Variants in HAL observed in about 807,000 individuals in gnomAD.
HAL encodes the protein histidine ammonia-lyase, also known as histidase.
A neutral mutation model predicts 81.1 loss-of-function variants in HAL; 85 were observed. The ratio of observed to expected loss-of-function variants is 1.05; its 90% CI spans 0.88 to 1.25. The LOEUF (loss-of-function observed/expected upper bound fraction) is 1.25. HAL is among the 50% of genes most tolerant of loss of function. The pLI is 0.00. For synonymous variants in HAL, 301 were observed against 309.2 expected (o/e 0.97, Z 0.28); for missense variants, 798 against 836.6 (o/e 0.95, Z 0.57).
intron 9 of HAL, among the ~76,000 whole-genome samples, chr12:95,991,299 ATAGT>A (rs1949967546): frequency 1.3e-5 from 2 of 152,158 alleles, no homozygotes; most frequent in Admixed American, 6.5e-5. Flanking sequence ...TATAGGAAAA[ATAGT>A]TAGAAATTAT....
In HAL at chr12:95,986,281, C is replaced by A. The variant is rs74994710; in HGVS notation, c.1052-121G>T. 8.2e-5 allele frequency: 57 copies of A among 697,492 alleles called. No individual in the cohort carries two copies. In the African/African-American group the frequency reaches 8.8e-4, roughly 11 times the overall value. 43.2% of individuals were successfully genotyped at this position (697,492 alleles called of 1,614,324 possible). On this transcript the variant is annotated intron_variant, in intron 12 of 20. Transcript: ENST00000261208. Reference sequence around the variant, plus strand: ...CTCCTGGGCTCTAGCGATCCTCCTACCTTGGCCTCCCAAAGTGCTGGGATT... The same window carrying A: ...CTCCTGGGCTCTAGCGATCCTCCTAACTTGGCCTCCCAAAGTGCTGGGATT...
In HAL at chr12:95,994,199, C is replaced by G. The variant is rs552127083; in HGVS notation, c.337-35G>C. 1.3e-5 allele frequency: 19 copies of G among 1,447,798 alleles called. No homozygotes were observed. The South Asian group carries it at 2.1e-4, about 16-fold the overall frequency. 89.7% of individuals were successfully genotyped at this position (1,447,798 alleles called of 1,614,324 possible). A position where few individuals can be genotyped will look rare whatever the true frequency, so the allele number is the denominator to read the frequency against. On this transcript the variant is annotated intron_variant, in intron 4 of 20. Coordinates refer to ENST00000261208, the MANE Select transcript of HAL (RefSeq NM_002108.4). ...AGAAGGGGATCTCAGTGAGTCTGAA[C>G]AGCTTGATTATTCTAACCAGAGTAG...
In HAL at chr12:95,990,486, A is replaced by T. The variant is rs758366056; in HGVS notation, c.762T>A (p.Ser254Arg). The T allele has an allele frequency of 6.2e-7, 1 of 1,612,682 alleles. No homozygotes were observed. Residue 254 changes from serine (S) to arginine (R), a missense_variant, in exon 10 of 21, where the codon AGT becomes AGA. Physicochemically the swap from Ser to Arg is moderately radical, Grantham distance 110. Transcript: ENST00000261208. ...GATGAGAGAGTGGGGCAAGGTCTCC[A>T]CTGGCACCAACGGTTCCTTTCTCTG... ...YVPEKGTVGA[S>R]GDLAPLSHLA...
intron 10 of HAL, 138 bp from the exon 11 acceptor site, chr12:95,988,378 T>C (rs1949922620): frequency 1.4e-6 from 1 of 689,674 alleles, no homozygotes; most frequent in Non-Finnish European, 2.6e-6. Context: ...GAACTGGCTG[T>C]ATTCATGTTC....
chr12:95,993,879 TTTTG>T (rs1272873275), intron 6 of HAL, 41 bp from the exon 7 acceptor site: 9 of 1,471,286 alleles, frequency 6.1e-6, no homozygotes, highest in East Asian at 4.6e-5. Flanking sequence ...ATGCAGGGAT[TTTTG>T]TTTGTTTATA....
rs200780494 is a variant in HAL at position 95,974,255 on chromosome 12, T to C, written c.1951A>G (p.Ile651Val). 86 of 1,613,986 alleles carry C rather than the reference T, an allele frequency of 5.3e-5. No individual in the cohort carries two copies. Among genetic ancestry groups the C allele is most frequent in the South Asian group, 4.0e-4 (36 of 91,074 alleles). The change falls in exon 21 of 21, where the codon ATC becomes GTC. Residue 651 changes from isoleucine (I) to valine (V), a missense_variant. Transcript: ENST00000261208. ...LQFLHKKSTK[I>V]PESEDL ...CATTAAAGGTCCTCAGACTCCGGGA[T>C]TTTGGTGGATTTCTTGTGCAGAAAT...
intron 4 of HAL, 23 bp from the exon 5 acceptor site, chr12:95,994,187 A>C: frequency 1.3e-6 from 2 of 1,541,510 alleles, no homozygotes; most frequent in Non-Finnish European, 1.8e-6. Context: ...AGGGGATCTC[A>C]GTGAGTCTGA....
At chr12:95,979,984 T>C (rs1047998418) in intron 17 of HAL, among the ~76,000 whole-genome samples, 2 of 152,258 alleles carry the variant, frequency 1.3e-5, no homozygotes, top group African/African-American at 4.8e-5. Flanking sequence ...GGCACTGTTC[T>C]GATGTGTTAA....
At chr12:95,980,407 TGTTA>T in intron 17 of HAL, 145 bp downstream of exon 17, 1 of 747,188 alleles carries the variant, frequency 1.3e-6, no homozygotes, top group Non-Finnish European at 2.3e-6. Context: ...AGAGTTAACC[TGTTA>T]CCTTTGCACT....
rs760196936 is a variant in HAL at position 95,995,805 on chromosome 12, T to C, written c.106A>G (p.Ile36Val). Residue 36 changes from isoleucine (I) to valine (V), a missense_variant, in exon 2 of 21, where the codon ATC (isoleucine) becomes GTC (valine). Physicochemically the swap from Ile to Val is conservative, Grantham distance 29. Transcript: ENST00000261208. ...WLGREAVRRY[I>V]KNKPDNGGFT... ...CCACCATTGTCGGGCTTATTCTTGA[T>C]ATAGCGCCTCACGGCCTCCCGGCCC... 1.2e-6 allele frequency: 2 copies of C among 1,613,136 alleles called. No homozygotes were observed. Among genetic ancestry groups the C allele is most frequent in the South Asian group, 1.1e-5 (1 of 91,090 alleles).
rs140648450 is a variant in HAL at position 95,990,612 on chromosome 12, G to A, written c.716-80C>T. On this transcript the variant is annotated intron_variant, in intron 9 of 20. Transcript: ENST00000261208. The stretch of plus-strand genomic sequence containing the variant: ...TGCTTTGCCAGTGAGTGCCCCCACT[G>A]CCCCCGCAAACACCCTGCCTCCAAT... The A allele has an allele frequency of 1.1e-3, 1,310 of 1,163,576 alleles. 9 individuals are homozygous for A. The highest frequency in any genetic ancestry group is 1.3e-3 in the East Asian group (54 of 42,754). The allele number at this position is 1,163,576 out of a possible 1,614,324, so 72.1% of individuals were successfully genotyped here.
intron 18 of HAL, 113 bp downstream of exon 18, chr12:95,977,831 T>G (rs2080740640): frequency 2.6e-6 from 3 of 1,147,090 alleles, no homozygotes; most frequent in South Asian, 2.5e-5. Context: ...AGAGTCTGCC[T>G]TCCTAACAAG....
intron 9 of HAL, among the ~76,000 whole-genome samples, chr12:95,992,352 C>T (rs182299000): frequency 2.0e-5 from 3 of 152,300 alleles, no homozygotes. Context: ...ATTTTTCTAA[C>T]CATATTCATG....
chr12:95,984,940 C>T (rs12298414), intron 14 of HAL, among the ~76,000 whole-genome samples: 2,690 of 152,284 alleles, frequency 0.018, 74 homozygotes, highest in African/African-American at 0.06. Flanking sequence ...ACACCATAGA[C>T]TGAAATTTGG....
Position 95,993,926 on chromosome 12 carries a change from C to A in HAL, c.484G>T (p.Val162Phe), listed in dbSNP as rs1042348459. 6.4e-7 allele frequency: 1 copy of A among 1,560,514 alleles called. No individual in the cohort carries two copies. The highest frequency in any genetic ancestry group is 8.8e-7 in the Non-Finnish European group (1 of 1,131,612). Residue 162 changes from valine to phenylalanine, a missense_variant and splice_region_variant, in exon 6 of 21, where the codon GTT becomes TTT. Val to Phe is a conservative substitution (Grantham distance 50). Coordinates refer to ENST00000261208, the MANE Select transcript of HAL (RefSeq NM_002108.4). ...VIDSIIKEKT[V>F]VYGITTGFGK... is the part of the protein sequence containing the mutation. ...TTATAACATAAAGATAAAAAGATAC[C>A]TGTTTTCTCTTTTATGATGCTATCT...
At chr12:95,995,189 C>T (rs1340076075) in intron 2 of HAL, 196 bp from the exon 3 acceptor site, 1 of 641,492 alleles carries the variant, frequency 1.6e-6, no homozygotes, top group African/African-American at 1.8e-5. Flanking sequence ...GGTGTCAGGG[C>T]AGAGACCAGG....
intron 3 of HAL, 49 bp from the exon 4 acceptor site, chr12:95,994,874 C>A: frequency 6.2e-7 from 1 of 1,609,978 alleles, no homozygotes; most frequent in Non-Finnish European, 8.5e-7. Flanking sequence ...AAACCCCCAG[C>A]CCCACCATCT....
At chr12:95,977,712 G>A (rs185368651) in intron 18 of HAL, among the ~76,000 whole-genome samples, 1 of 151,378 alleles carries the variant, frequency 6.6e-6, no homozygotes, top group African/African-American at 2.4e-5. Context: ...ATGGTTCCTT[G>A]GTTCTTAATC....
Position 95,990,471 on chromosome 12 carries a change from T to C in HAL, c.777A>G (p.Pro259=), listed in dbSNP as rs36014288. ...GTVGASGDLA[P]LSHLALGLVG... is the part of the protein sequence containing the mutation. ...CTAGCCCAAGAGCAAGATGAGAGAG[T>C]GGGGCAAGGTCTCCACTGGCACCAA... is the stretch of plus-strand genomic sequence containing the variant. The change falls in exon 10 of 21, where the codon CCA becomes CCG. Residue 259 remains proline, a synonymous_variant. Coordinates refer to ENST00000261208, the MANE Select transcript of HAL (RefSeq NM_002108.4). 0.13 allele frequency: 210,987 copies of C among 1,610,892 alleles called. 15,954 individuals carry two copies. Among genetic ancestry groups the C allele is most frequent in the East Asian group, 0.34 (15,409 of 44,826 alleles).
Sources: allele counts gnomAD v4.1 joint callset (sites outside exome capture counted in the v4.1 genomes callset), GRCh38; gene constraint gnomAD v4.1.1; transcripts MANE v1.5; gene names NCBI Gene and HGNC (gene_info 2026-07-23, HGNC 2026-07-21).